PARD3B: variants seen among roughly 807,000 people sequenced by gnomAD.
PARD3B encodes par-3 family cell polarity regulator beta.
In PARD3B, 103 loss-of-function variants were observed where a neutral mutation model predicts 130.2. The observed-to-expected ratio is 0.79, with a 90% CI of 0.67 to 0.93. PARD3B has a LOEUF of 0.93. PARD3B is among the 40% of genes least tolerant of loss of function. The probability of loss-of-function intolerance (pLI) is 0.00; values close to 1 mark genes in which losing one functional copy is unlikely to be tolerated. For missense variants in PARD3B, 1,609 were observed against 1,499.2 expected (o/e 1.07, Z -1.21); for synonymous variants, 583 against 553.2 (o/e 1.05, Z -0.76).
chr2:205,083,509 T>G (rs1701559958), intron 4 of PARD3B, among the ~76,000 whole-genome samples: 1 of 152,018 alleles, frequency 6.6e-6, no homozygotes, highest in Non-Finnish European at 1.5e-5. Flanking sequence ...TTCCTGACCA[T>G]ACCCTCTCTT....
intron 19 of PARD3B, among the ~76,000 whole-genome samples, chr2:205,401,724 G>A (rs147314767): frequency 2.6e-5 from 4 of 152,140 alleles, no homozygotes; most frequent in African/African-American, 9.7e-5. Flanking sequence ...GGTCCTTCAC[G>A]TATCTTTGAT....
chr2:204,609,085 A>G (rs1469063468), intron 1 of PARD3B, among the ~76,000 whole-genome samples: 1 of 152,182 alleles, frequency 6.6e-6, no homozygotes, highest in African/African-American at 2.4e-5. Flanking sequence ...GTTAAATTAA[A>G]ATGTTCTTAA....
intron 22 of PARD3B, among the ~76,000 whole-genome samples, chr2:205,599,264 C>T (rs1011322427): frequency 3.3e-5 from 5 of 152,156 alleles, no homozygotes; most frequent in African/African-American, 1.2e-4. Context: ...TTTAAAGGCT[C>T]ATGGTAGATC....
At chr2:205,480,734 G>C (rs1036451770) in intron 20 of PARD3B, among the ~76,000 whole-genome samples, 5 of 152,174 alleles carry the variant, frequency 3.3e-5, no homozygotes, top group Admixed American at 2.6e-4. Context: ...AACACCTTCT[G>C]TTCTTGTGGT....
intron 18 of PARD3B, among the ~76,000 whole-genome samples, chr2:205,315,368 A>G (rs994582830): frequency 6.6e-6 from 1 of 152,194 alleles, no homozygotes; most frequent in East Asian, 1.9e-4. Flanking sequence ...TGTCTGGCAC[A>G]TAGCAAGTTC....
intron 21 of PARD3B, among the ~76,000 whole-genome samples, chr2:205,546,882 C>T (rs1284692807): frequency 6.6e-6 from 1 of 151,864 alleles, no homozygotes; most frequent in Non-Finnish European, 1.5e-5. Flanking sequence ...AAAATATATC[C>T]AATAGCATAC....
At chr2:205,394,999 A>G (rs78909863) in intron 18 of PARD3B, among the ~76,000 whole-genome samples, 5,544 of 152,282 alleles carry the variant, frequency 0.036, 307 homozygotes, top group African/African-American at 0.12. Context: ...GGTAAATTTT[A>G]TGTTACGTAT....
chr2:205,037,345 G>T (rs1698046294), intron 3 of PARD3B, among the ~76,000 whole-genome samples: 2 of 89,748 alleles, frequency 2.2e-5, no homozygotes, highest in South Asian at 1.1e-3. Context: ...AATATATATA[G>T]TGGACTATTT....
rs750602509 is a variant in PARD3B, at chr2:205,461,189, G to A, written c.3044+20517G>A. 1.3e-5 allele frequency among the ~76,000 whole-genome samples: 2 copies of A among 152,168 alleles called. No homozygotes were observed. The highest frequency in any genetic ancestry group is 2.9e-5 in the Non-Finnish European group (2 of 68,026). On this transcript the variant is annotated intron_variant, in intron 20 of 22. Coordinates refer to ENST00000406610, the MANE Select transcript of PARD3B (RefSeq NM_001302769.2). This position sits in a 1 kb window ranked among gnomAD's most constrained non-coding sequence, Gnocchi z 4.3. ...TCAAGAAAGAAGTCACTGAGAAAGC[G>A]ACATTTAAGTCGAGACTCAAAGAGT...
intron 10 of PARD3B, among the ~76,000 whole-genome samples, chr2:205,139,077 A>G (rs2032728305): frequency 6.6e-6 from 1 of 152,214 alleles, no homozygotes; most frequent in South Asian, 2.1e-4. Flanking sequence ...TAACCCATCC[A>G]ATAGAATGCA....
Position 205,413,311 on chromosome 2 carries a change from T to C in PARD3B, c.2741+12188T>C, listed in dbSNP as rs139829429. Among the ~76,000 whole-genome samples the C allele has an allele frequency of 2.5e-3, 376 of 152,338 alleles. 2 individuals are homozygous for C. The highest frequency in any genetic ancestry group is 7.6e-3 in the African/African-American group (317 of 41,570). ...TTATTTTTCTGCATGGAATCGTAGA[T>C]GTTTGTATTTACAAACATGCCTTCT... On this transcript the variant is annotated intron_variant, in intron 19 of 22. Transcript: ENST00000406610.
At chr2:204,660,880 C>T (rs1180879409) in intron 1 of PARD3B, among the ~76,000 whole-genome samples, 1 of 152,162 alleles carries the variant, frequency 6.6e-6, no homozygotes, top group African/African-American at 2.4e-5. Flanking sequence ...ATGTATAGAA[C>T]ATGCAGTGTG....
At chr2:205,016,541 A>G (rs1696163595) in intron 3 of PARD3B, among the ~76,000 whole-genome samples, 1 of 152,158 alleles carries the variant, frequency 6.6e-6, no homozygotes, top group Admixed American at 6.6e-5. Context: ...ATTTCTTTCC[A>G]AGGAAACGTT....
In PARD3B at chr2:204,865,508, A is replaced by G. The variant is rs548522042; in HGVS notation, c.223-99644A>G. 2.0e-5 allele frequency among the ~76,000 whole-genome samples: 3 copies of G among 152,352 alleles called. No homozygotes were observed. In the South Asian group the frequency reaches 6.2e-4, roughly 32 times the overall value. The stretch of plus-strand genomic sequence containing the variant: ...AGCCATCTGAATGGAATTGGAGACC[A>G]TTATTCTAAGTGAAGTAACTCAGGA... On this transcript the variant is annotated intron_variant, in intron 2 of 22. Transcript: ENST00000406610.
chr2:204,653,110 A>G (rs568891626), intron 1 of PARD3B, among the ~76,000 whole-genome samples: 61 of 150,946 alleles, frequency 4.0e-4, no homozygotes, highest in Non-Finnish European at 7.1e-4. Context: ...AGACACTGGG[A>G]TCTTCTTGAA....
intron 3 of PARD3B, among the ~76,000 whole-genome samples, chr2:204,985,262 A>G (rs773085696): frequency 3.3e-5 from 5 of 152,056 alleles, no homozygotes; most frequent in Non-Finnish European, 7.4e-5. Flanking sequence ...AAAGGAATGC[A>G]TTAAAGCCCA....
intron 22 of PARD3B, among the ~76,000 whole-genome samples, chr2:205,570,780 A>C (rs1260980702): frequency 6.6e-6 from 1 of 152,226 alleles, no homozygotes; most frequent in Non-Finnish European, 1.5e-5. Context: ...ACATTCTGCT[A>C]TCTTCCCAGC....
At chr2:205,294,456 G>T (rs918021262) in intron 16 of PARD3B, among the ~76,000 whole-genome samples, 1 of 152,002 alleles carries the variant, frequency 6.6e-6, no homozygotes, top group Non-Finnish European at 1.5e-5. Context: ...ATAAAATTTT[G>T]ACTATTTGTT....
chr2:205,559,879 G>A (rs987056465), intron 22 of PARD3B, among the ~76,000 whole-genome samples: 27 of 152,092 alleles, frequency 1.8e-4, no homozygotes, highest in African/African-American at 5.1e-4. Flanking sequence ...GATTACAGGC[G>A]TGAGCCACCG....
Sources: gnomAD v4.1 joint callset for allele counts (sites outside exome capture counted in the v4.1 genomes callset) on GRCh38, gnomAD v4.1.1 for gene constraint, Gnocchi (gnomAD v3.1) non-coding constraint, MANE v1.5 for transcripts, NCBI Gene and HGNC (gene_info 2026-07-23, HGNC 2026-07-21) for gene names.